ITIH5: variants seen among roughly 807,000 people sequenced by gnomAD.
ITIH5 encodes inter-alpha-trypsin inhibitor heavy chain 5.
In ITIH5, 65 loss-of-function variants were observed where a neutral mutation model predicts 77.5. That is an observed-to-expected ratio of 0.84 (90% CI 0.69 to 1.03). The LOEUF (loss-of-function observed/expected upper bound fraction) is 1.03, where lower values mean the gene tolerates loss of function less well. Ranked by LOEUF, ITIH5 falls within the 50% of genes least tolerant of loss-of-function variation. The probability of loss-of-function intolerance (pLI) is 0.00; values close to 1 mark genes in which losing one functional copy is unlikely to be tolerated. For missense variants in ITIH5, 1,208 were observed against 1,213.1 expected (o/e 1.00, Z 0.06); for synonymous variants, 525 against 494.3 (o/e 1.06, Z -0.82).
intron 1 of ITIH5, among the ~76,000 whole-genome samples, chr10:7,665,359 G>C (rs904146761): frequency 6.6e-6 from 1 of 152,192 alleles, no homozygotes; most frequent in Non-Finnish European, 1.5e-5. Context: ...CCTTCACTCA[G>C]CATGTCAGCA....
At chr10:7,625,595 T>C (rs1339896914) in intron 5 of ITIH5, among the ~76,000 whole-genome samples, 1 of 151,890 alleles carries the variant, frequency 6.6e-6, no homozygotes, top group South Asian at 2.1e-4. Flanking sequence ...TGAAAACCTG[T>C]CTCTATTAAA....
intron 8 of ITIH5, among the ~76,000 whole-genome samples, chr10:7,580,302 G>A (rs1832524148): frequency 6.6e-6 from 1 of 152,118 alleles, no homozygotes; most frequent in African/African-American, 2.4e-5. Context: ...TGTATTTTTA[G>A]TAGAGATGGG....
intron 9 of ITIH5, among the ~76,000 whole-genome samples, chr10:7,577,944 G>A (rs1456786228): frequency 2.6e-5 from 4 of 152,258 alleles, no homozygotes; most frequent in East Asian, 3.9e-4. Context: ...AGCCTCCATC[G>A]AGGCCACAAA....
At chr10:7,644,871 T>G (rs1392497031) in intron 2 of ITIH5, among the ~76,000 whole-genome samples, 4 of 126,702 alleles carry the variant, frequency 3.2e-5, no homozygotes, top group Admixed American at 8.7e-5. Context: ...CACATATATA[T>G]CACATATATA....
chr10:7,638,889 A>G (rs556607029), intron 4 of ITIH5, among the ~76,000 whole-genome samples: 78 of 152,360 alleles, frequency 5.1e-4, no homozygotes, highest in African/African-American at 1.8e-3. Context: ...TAAGGATGTC[A>G]CTGCTTGCAG....
chr10:7,604,016 T>C (rs1019197334), intron 7 of ITIH5, among the ~76,000 whole-genome samples: 1 of 152,168 alleles, frequency 6.6e-6, no homozygotes, highest in Non-Finnish European at 1.5e-5. Flanking sequence ...CCCTGCAGCA[T>C]AAGTTGGTGC....
At chr10:7,640,689 A>G (rs1381856901) in intron 4 of ITIH5, 65 bp downstream of exon 4, 1 of 964,782 alleles carries the variant, frequency 1.0e-6, no homozygotes, top group African/African-American at 1.6e-5. Flanking sequence ...GGAGTAGGCA[A>G]AGGCATAGAA....
chr10:7,632,226 T>C (rs375465152), intron 5 of ITIH5, among the ~76,000 whole-genome samples: 8 of 152,210 alleles, frequency 5.3e-5, no homozygotes, highest in African/African-American at 1.9e-4. Flanking sequence ...TTAGCTGCAG[T>C]GCTTTTAAAA....
chr10:7,666,101 A>G (rs1834356866), intron 1 of ITIH5, among the ~76,000 whole-genome samples: 1 of 152,258 alleles, frequency 6.6e-6, no homozygotes, highest in African/African-American at 2.4e-5. Flanking sequence ...GCCATGTTGC[A>G]CATTAGCTCT....
intron 8 of ITIH5, among the ~76,000 whole-genome samples, chr10:7,580,698 G>A (rs1320971314): frequency 6.6e-6 from 1 of 152,200 alleles, no homozygotes; most frequent in Non-Finnish European, 1.5e-5. Flanking sequence ...TGTGGAGGGA[G>A]AAAGAGCCGC....
chr10:7,583,377 G>C (rs1233403217), intron 8 of ITIH5, among the ~76,000 whole-genome samples: 1 of 152,142 alleles, frequency 6.6e-6, no homozygotes, highest in Non-Finnish European at 1.5e-5. Flanking sequence ...CTGTCACCGG[G>C]GCTGGAGTGC....
Position 7,665,845 on chromosome 10 carries a change from CT to C in ITIH5, c.90+957del, listed in dbSNP as rs201616397. Reference sequence around the variant, plus strand: ...TGGGATTTTATTAGCTACTCCCCCCCTAGAAGGAAGTATCATTACTACCACT... The same window carrying C: ...TGGGATTTTATTAGCTACTCCCCCCCAGAAGGAAGTATCATTACTACCACT... On this transcript the variant is annotated intron_variant, in intron 1 of 13. Coordinates refer to ENST00000397146, the MANE Select transcript of ITIH5 (RefSeq NM_030569.7). 7.0e-3 allele frequency among the ~76,000 whole-genome samples: 1,066 copies of C among 152,306 alleles called. 15 individuals are homozygous for C. Among genetic ancestry groups the C allele is most frequent in the African/African-American group, 0.024 (990 of 41,572 alleles).
chr10:7,584,167 G>C (rs1464774024), intron 8 of ITIH5, among the ~76,000 whole-genome samples: 1 of 152,164 alleles, frequency 6.6e-6, no homozygotes, highest in Non-Finnish European at 1.5e-5. Context: ...GTCTTAGAGA[G>C]AAGCAGGCTG....
intron 12 of ITIH5, among the ~76,000 whole-genome samples, chr10:7,567,077 T>C (rs1832200941): frequency 6.6e-6 from 1 of 151,584 alleles, no homozygotes; most frequent in African/African-American, 2.4e-5. Context: ...AGGGAATGCG[T>C]AAAGTTATGT....
At chr10:7,586,257 T>TA (rs1287249627) in intron 7 of ITIH5, among the ~76,000 whole-genome samples, 188 bp from the exon 8 acceptor site, 3 of 152,142 alleles carry the variant, frequency 2.0e-5, no homozygotes, top group Non-Finnish European at 4.4e-5. Flanking sequence ...ATAAAGATGT[T>TA]ACGGTTGTAG....
chr10:7,629,525 T>TGTA (rs202186895), intron 5 of ITIH5, among the ~76,000 whole-genome samples: 2 of 133,980 alleles, frequency 1.5e-5, no homozygotes, highest in Admixed American at 7.4e-5. Flanking sequence ...GTGTCCGTGT[T>TGTA]GCAGCGTGTG....
At chr10:7,648,383 C>T (rs1370652463) in intron 2 of ITIH5, among the ~76,000 whole-genome samples, 2 of 152,278 alleles carry the variant, frequency 1.3e-5, no homozygotes, top group African/African-American at 4.8e-5. Flanking sequence ...TCAAAAGTTA[C>T]TTGTGAACCT....
In ITIH5 at chr10:7,566,368, G is replaced by A; in HGVS notation, c.2189C>T (p.Pro730Leu). 1.2e-6 allele frequency: 2 copies of A among 1,604,498 alleles called. No individual in the cohort carries two copies. Among genetic ancestry groups the A allele is most frequent in the Non-Finnish European group, 1.7e-6 (2 of 1,171,956 alleles). The change falls in exon 13 of 14, where the codon CCT becomes CTT. Residue 730 changes from proline to leucine, a missense_variant. Pro to Leu is a moderately conservative substitution (Grantham distance 98, BLOSUM62 -3). Transcript: ENST00000397146. Reference protein sequence around the residue: ...VNGELIGAPAPPNGHKKQRTY... With the variant: ...VNGELIGAPALPNGHKKQRTY... ...GCGCTGTTTCTTGTGGCCATTTGGA[G>A]GGGCGGGTGCCCCAATTAACTCTCC...
At chr10:7,644,722 A>G (rs1833966029) in intron 2 of ITIH5, among the ~76,000 whole-genome samples, 1 of 137,750 alleles carries the variant, frequency 7.3e-6, no homozygotes, top group African/African-American at 2.8e-5. Context: ...TATATCATAT[A>G]TATCACATAT....
Sources: allele counts gnomAD v4.1 joint callset (sites outside exome capture counted in the v4.1 genomes callset), GRCh38; gene constraint gnomAD v4.1.1; transcripts MANE v1.5; gene names NCBI Gene and HGNC (gene_info 2026-07-23, HGNC 2026-07-21).